LINC00237: variants seen among roughly 807,000 people sequenced by gnomAD.
LINC00237 encodes the protein long intergenic non-protein coding RNA 237.
At chr20:21,106,294 C>A (rs2030998664) in exon 1 of LINC00237, 1 of 152,346 alleles carries the variant, frequency 6.6e-6, no homozygotes, top group African/African-American at 2.4e-5. Context: ...AGACCCACCG[C>A]TCGCCAAGCC....
chr20:21,101,349 C>G lies in LINC00237; in HGVS notation n.88+4922G>C. 1 of 152,164 alleles carries G rather than the reference C, an allele frequency of 6.6e-6. No homozygotes were observed. Among genetic ancestry groups the G allele is most frequent in the African/African-American group, 2.4e-5 (1 of 41,418 alleles). The allele number at this position is 152,164 out of a possible 1,614,324, so 9.4% of individuals were successfully genotyped here. ...GGGTGGGGGCAGAAATAGGGGCTGA[C>G]CCGCTAGCCCCCGCCAAACCGCGAC... On this transcript the variant is annotated intron_variant and non_coding_transcript_variant, in intron 1 of 3. Transcript: ENST00000691244. This position sits in a 1 kb window ranked among gnomAD's most constrained non-coding sequence, Gnocchi z 4.3.
intron 1 of LINC00237, among the ~76,000 whole-genome samples, chr20:21,105,904 A>T (rs2030992651): frequency 6.6e-6 from 1 of 152,100 alleles, no homozygotes; most frequent in Non-Finnish European, 1.5e-5. Context: ...GGGGTGGCCC[A>T]ACCCGACCGC....
intron 1 of LINC00237, among the ~76,000 whole-genome samples, chr20:21,097,531 C>A (rs989816064): frequency 6.6e-6 from 1 of 152,064 alleles, no homozygotes; most frequent in Non-Finnish European, 1.5e-5. Flanking sequence ...CTGCCTTAAC[C>A]ATTCTTTAAC....
At chr20:21,104,744 T>C (rs2030975820) in intron 1 of LINC00237, among the ~76,000 whole-genome samples, 1 of 152,242 alleles carries the variant, frequency 6.6e-6, no homozygotes, top group Admixed American at 6.5e-5. Flanking sequence ...CTGAGCCTCC[T>C]AGAACCAATT....
intron 1 of LINC00237, among the ~76,000 whole-genome samples, chr20:21,105,632 A>G (rs2030989231): frequency 6.6e-6 from 1 of 152,126 alleles, no homozygotes; most frequent in Non-Finnish European, 1.5e-5. Flanking sequence ...GAGCCCCCCT[A>G]AACGACCTCT....
At chr20:21,100,298 G>A (rs913802778) in intron 1 of LINC00237, among the ~76,000 whole-genome samples, 2 of 152,208 alleles carry the variant, frequency 1.3e-5, no homozygotes, top group African/African-American at 2.4e-5. Context: ...GCGGGCGGCG[G>A]CAAAATACAG....
chr20:21,102,778 C>A (rs2030950002), intron 1 of LINC00237, among the ~76,000 whole-genome samples: 1 of 151,290 alleles, frequency 6.6e-6, no homozygotes, highest in Non-Finnish European at 1.5e-5. Context: ...CTCAGTTGAA[C>A]AGTGTCAATT....
chr20:21,105,331 T>A (rs2030985314), intron 1 of LINC00237, among the ~76,000 whole-genome samples: 1 of 139,704 alleles, frequency 7.2e-6, no homozygotes, highest in Non-Finnish European at 1.5e-5. Flanking sequence ...TCTGGGGACA[T>A]CCCTACCTGT....
rs1568883426 is a variant in LINC00237, at chr20:21,086,639, A to ATG, written n.560-752_560-751insCA. Among the ~76,000 whole-genome samples the ATG allele has an allele frequency of 1.0e-3, 124 of 119,902 alleles. 1 individual carries two copies. The highest frequency in any genetic ancestry group is 3.7e-3 in the African/African-American group (107 of 29,176). The allele number at this position is 119,902 out of a possible 152,430, so 78.7% of individuals were successfully genotyped here. On this transcript the variant is annotated intron_variant and non_coding_transcript_variant, in intron 3 of 3. Transcript: ENST00000691244. The stretch of plus-strand genomic sequence containing the variant: ...TAGTATACTATATATAGTATACTAT[A>ATG]TATAGTATACTATATATGTATAGTA...
chr20:21,096,844 G>T (rs182280842), intron 1 of LINC00237, among the ~76,000 whole-genome samples: 1 of 152,278 alleles, frequency 6.6e-6, no homozygotes, highest in East Asian at 1.9e-4. Flanking sequence ...ATAGCATAAG[G>T]CCCTATGCTT....
intron 3 of LINC00237, among the ~76,000 whole-genome samples, chr20:21,086,412 G>C (rs1051702297): frequency 1.3e-5 from 2 of 151,372 alleles, no homozygotes; most frequent in Admixed American, 6.6e-5. Context: ...ATCATGGCTT[G>C]TTTGGTGCAT....
intron 1 of LINC00237, among the ~76,000 whole-genome samples, chr20:21,100,968 C>T (rs1307835934): frequency 1.3e-5 from 2 of 152,314 alleles, no homozygotes; most frequent in Admixed American, 1.3e-4. Context: ...CTTTCAGCTC[C>T]TCGCAGTCCC....
At chr20:21,099,056 T>G (rs969348456) in intron 1 of LINC00237, among the ~76,000 whole-genome samples, 1 of 152,240 alleles carries the variant, frequency 6.6e-6, no homozygotes, top group African/African-American at 2.4e-5. Flanking sequence ...CACAGCAGCC[T>G]CATTCTACAA....
At chr20:21,096,457 C>T (rs748339337) in intron 1 of LINC00237, among the ~76,000 whole-genome samples, 6 of 152,162 alleles carry the variant, frequency 3.9e-5, no homozygotes, top group Non-Finnish European at 7.3e-5. Flanking sequence ...GTCACATGGT[C>T]CTCGTGTCGC....
chr20:21,087,284 T>C (rs1463645629), intron 3 of LINC00237, among the ~76,000 whole-genome samples: 1 of 152,132 alleles, frequency 6.6e-6, no homozygotes, highest in East Asian at 1.9e-4. Context: ...TGCCACTATA[T>C]GCCAACAGAT....
intron 3 of LINC00237, among the ~76,000 whole-genome samples, chr20:21,086,472 C>G (rs541075989): frequency 6.7e-6 from 1 of 148,270 alleles, no homozygotes; most frequent in Non-Finnish European, 1.5e-5. Context: ...TATCTATATA[C>G]GTATAGATAT....
rs1193951517 is a variant in LINC00237, at chr20:21,086,636, T to TAC, written n.560-749_560-748insGT. On this transcript the variant is annotated intron_variant and non_coding_transcript_variant, in intron 3 of 3. Transcript: ENST00000691244. Reference sequence around the variant, plus strand: ...ATATAGTATACTATATATAGTATACTATATATAGTATACTATATATGTATA... The same window carrying TAC: ...ATATAGTATACTATATATAGTATACTACATATATAGTATACTATATATGTATA... Among the ~76,000 whole-genome samples the TAC allele has an allele frequency of 1.6e-3, 126 of 80,526 alleles. 1 individual carries two copies. The highest frequency in any genetic ancestry group is 5.1e-3 in the African/African-American group (109 of 21,446). The allele number at this position is 80,526 out of a possible 152,430, so 52.8% of individuals were successfully genotyped here. A position where few individuals can be genotyped will look rare whatever the true frequency, so the allele number is the denominator to read the frequency against.
chr20:21,098,712 G>T (rs1306453328), intron 1 of LINC00237, among the ~76,000 whole-genome samples: 1 of 152,186 alleles, frequency 6.6e-6, no homozygotes, highest in Non-Finnish European at 1.5e-5. Context: ...GTAGAATATT[G>T]AATGGGTGAG....
intron 1 of LINC00237, among the ~76,000 whole-genome samples, chr20:21,105,103 A>G (rs2122187127): frequency 6.6e-6 from 1 of 152,306 alleles, no homozygotes; most frequent in African/African-American, 2.4e-5. Flanking sequence ...GGCGCTCTGC[A>G]GGGCCTCTCT....
Sources: allele counts gnomAD v4.1 joint callset (sites outside exome capture counted in the v4.1 genomes callset), GRCh38; gene constraint gnomAD v4.1.1; non-coding constraint Gnocchi (gnomAD v3.1); transcripts MANE v1.5; gene names NCBI Gene and HGNC (gene_info 2026-07-23, HGNC 2026-07-21).